Variants in CDHR1 observed in about 807,000 individuals in gnomAD.
CDHR1 encodes the protein cadherin-related family member 1.
A neutral mutation model predicts 72.1 loss-of-function variants in CDHR1; 61 were observed. The ratio of observed to expected loss-of-function variants is 0.85; its 90% confidence interval spans 0.69 to 1.05. The LOEUF is 1.05. CDHR1 is among the 50% of genes least tolerant of loss of function. CDHR1 has a pLI of 0.00. For synonymous variants in CDHR1, 470 were observed against 448.1 expected (o/e 1.05, Z -0.62); for missense variants, 1,186 against 1,115.7 (o/e 1.06, Z -0.90).
chr10:84,211,765 G>A (rs773792926), intron 14 of CDHR1, 50 bp downstream of exon 14: 1 of 1,507,970 alleles, frequency 6.6e-7, no homozygotes. Flanking sequence ...GGGATTGGAA[G>A]GCTGAGGGTG....
At chr10:84,210,938 T>C in intron 12 of CDHR1, 63 bp from the exon 13 acceptor site, 1 of 1,563,906 alleles carries the variant, frequency 6.4e-7, no homozygotes, top group Admixed American at 1.7e-5. Context: ...GGAGATGAGG[T>C]GGGAAGGCTC....
At position 84,195,620 on chromosome 10, in the gene CDHR1, G is replaced by A. The variant is rs549381876; in HGVS notation, c.151+31G>A. 28 of 1,576,036 alleles carry A rather than the reference G, an allele frequency of 1.8e-5. No homozygotes were observed. The Admixed American group carries it at 1.8e-4, about 10-fold the overall frequency. ...TAGCCCTGGCACCTGCTCCCGATAG[G>A]TCTCCCTGAGGGGTGCAGGCAGACT... On this transcript the variant is annotated intron_variant, in intron 2 of 16. Transcript: ENST00000623527.
intron 12 of CDHR1, among the ~76,000 whole-genome samples, chr10:84,210,601 G>T (rs1190363102): frequency 6.6e-6 from 1 of 152,130 alleles, no homozygotes; most frequent in East Asian, 1.9e-4. Flanking sequence ...TTTAAAAAAA[G>T]AATTTAATGC....
intron 8 of CDHR1, 114 bp from the exon 9 acceptor site, chr10:84,204,413 C>T: frequency 3.8e-6 from 3 of 797,056 alleles, no homozygotes; most frequent in East Asian, 5.0e-5. Context: ...CACGTAGAGG[C>T]CTGACCCTTT....
At chr10:84,195,860 C>T (rs537140344) in intron 2 of CDHR1, among the ~76,000 whole-genome samples, 33 of 152,304 alleles carry the variant, frequency 2.2e-4, no homozygotes, top group African/African-American at 7.0e-4. Flanking sequence ...GGCTGTGTGA[C>T]CTTGAACAAA....
At position 84,218,234 on chromosome 10, in the gene CDHR1, G is replaced by A. The variant is rs1288923427; in HGVS notation, c.*3613G>A. 2.7e-5 allele frequency: 27 copies of A among 985,294 alleles called. No individual in the cohort carries two copies. In the South Asian group the frequency reaches 1.3e-3, roughly 46 times the overall value. The allele number at this position is 985,294 out of a possible 1,614,324, so 61.0% of individuals were successfully genotyped here. On this transcript the variant is annotated 3_prime_UTR_variant, in exon 17 of 17. Transcript: ENST00000623527. ...GAAACTCACAAACAACCTAGGGAGG[G>A]GTTCTCTGAAGGGCCTAGTTTCCAG...
At position 84,201,839 on chromosome 10, in the gene CDHR1, C is replaced by G. The variant is rs934208979; in HGVS notation, c.558C>G (p.His186Gln). ...ACTCCCCATTTGCCGTGGACCGCCA[C>G]AGCGGTGTGCTGCGCCTCCAGGCTG... ...NLHSPFAVDRHSGVLRLQAGA... is the reference protein window; with the variant it reads ...NLHSPFAVDRQSGVLRLQAGA... The change falls in exon 7 of 17, where the codon CAC becomes CAG. Residue 186 changes from histidine to glutamine, a missense_variant. His to Gln is a conservative substitution (Grantham distance 24). Coordinates refer to ENST00000623527, the MANE Select transcript of CDHR1 (RefSeq NM_033100.4). 1 of 1,610,390 alleles carries G rather than the reference C, an allele frequency of 6.2e-7. No individual in the cohort carries two copies. The highest frequency in any genetic ancestry group is 8.5e-7 in the Non-Finnish European group (1 of 1,180,010).
chr10:84,199,901 G>A (rs950773158), intron 5 of CDHR1, among the ~76,000 whole-genome samples: 2 of 152,136 alleles, frequency 1.3e-5, no homozygotes, highest in South Asian at 2.1e-4. Context: ...GGCTGGGCAC[G>A]GTGGCTCACA....
chr10:84,200,759 C>T (rs982611122), intron 6 of CDHR1, 72 bp downstream of exon 6: 30 of 1,045,570 alleles, frequency 2.9e-5, no homozygotes, highest in African/African-American at 1.1e-4. Context: ...CTACCTCCAT[C>T]GCCCCAGGCC....
At chr10:84,195,315 CA>C (rs1193578419) in intron 1 of CDHR1, among the ~76,000 whole-genome samples, 178 bp from the exon 2 acceptor site, 3 of 152,150 alleles carry the variant, frequency 2.0e-5, no homozygotes, top group South Asian at 2.1e-4. Flanking sequence ...GAGTGGGGGT[CA>C]GGGGCATCCT....
In CDHR1 at chr10:84,211,855, AAG is replaced by A. The variant is rs914966805; in HGVS notation, c.1553+141_1553+142del. On this transcript the variant is annotated intron_variant, in intron 14 of 16. Coordinates refer to ENST00000623527, the MANE Select transcript of CDHR1 (RefSeq NM_033100.4). ...AAGAGAAGTGGAGAGAGGCAGTGGAAAGCTGAAGCAGAGGGTGAGGAAGTTCA... is the reference window on the plus strand; with the variant it reads ...AAGAGAAGTGGAGAGAGGCAGTGGAACTGAAGCAGAGGGTGAGGAAGTTCA... 3.7e-6 allele frequency: 3 copies of A among 811,946 alleles called. No individual in the cohort carries two copies. The African/African-American group carries it at 5.1e-5, about 14-fold the overall frequency. The allele number at this position is 811,946 out of a possible 1,614,324, so 50.3% of individuals were successfully genotyped here. A position where few individuals can be genotyped will look rare whatever the true frequency, so the allele number is the denominator to read the frequency against.
In CDHR1 at chr10:84,215,690, A is replaced by G. The variant is rs777404307; in HGVS notation, c.*1069A>G. The G allele has an allele frequency of 6.1e-6, 6 of 985,428 alleles. No individual in the cohort carries two copies. Among genetic ancestry groups the G allele is most frequent in the Non-Finnish European group, 7.2e-6 (6 of 829,918 alleles). The allele number at this position is 985,428 out of a possible 1,614,324, so 61.0% of individuals were successfully genotyped here. Reference sequence around the variant, plus strand: ...CAAGTGCAAAGCGGCATGAATGCAAAGTATTTTTCTGCAGCCCAGTTCTGT... The same window carrying G: ...CAAGTGCAAAGCGGCATGAATGCAAGGTATTTTTCTGCAGCCCAGTTCTGT... On this transcript the variant is annotated 3_prime_UTR_variant, in exon 17 of 17. Transcript: ENST00000623527.
rs1842443357 is a variant in CDHR1, at chr10:84,217,462, A to ATTCT, written c.*2841_*2842insTTCT. The stretch of plus-strand genomic sequence containing the variant: ...TTACAGTTTGACAGCCCTAGGTCTG[A>ATTCT]ATTCTGGTTCTGCCATTAATTGTGA... On this transcript the variant is annotated 3_prime_UTR_variant, in exon 17 of 17. Coordinates refer to ENST00000623527, the MANE Select transcript of CDHR1 (RefSeq NM_033100.4). 1 of 983,522 alleles carries ATTCT rather than the reference A, an allele frequency of 1.0e-6. No individual in the cohort carries two copies. The highest frequency in any genetic ancestry group is 1.2e-6 in the Non-Finnish European group (1 of 828,298). The allele number at this position is 983,522 out of a possible 1,614,324, so 60.9% of individuals were successfully genotyped here. A position where few individuals can be genotyped will look rare whatever the true frequency, so the allele number is the denominator to read the frequency against.
At chr10:84,218,965 T>A (rs995037720), downstream of CDHR1, 1 of 564,860 alleles carries the variant, frequency 1.8e-6, no homozygotes, top group Non-Finnish European at 2.9e-6. Context: ...GAACTTTGTA[T>A]GTTAAAAAAA....
chr10:84,218,068 T>C lies in CDHR1; in HGVS notation c.*3447T>C. 1 of 985,458 alleles carries C rather than the reference T, an allele frequency of 1.0e-6. No individual in the cohort carries two copies. The highest frequency in any genetic ancestry group is 1.7e-5 in the African/African-American group (1 of 57,374). The allele number at this position is 985,458 out of a possible 1,614,324, so 61.0% of individuals were successfully genotyped here. A position where few individuals can be genotyped will look rare whatever the true frequency, so the allele number is the denominator to read the frequency against. On this transcript the variant is annotated 3_prime_UTR_variant, in exon 17 of 17. Transcript: ENST00000623527. ...AAGGCCAGTCCACCTGCCAGGGGTGTTGGCATCTGTTGACAGGCAGTGGCA... is the reference window on the plus strand; with the variant it reads ...AAGGCCAGTCCACCTGCCAGGGGTGCTGGCATCTGTTGACAGGCAGTGGCA...
chr10:84,202,662 C>A (rs1202334749), intron 7 of CDHR1, among the ~76,000 whole-genome samples: 1 of 152,206 alleles, frequency 6.6e-6, no homozygotes, highest in East Asian at 1.9e-4. Flanking sequence ...CAGAGTAGAT[C>A]CTCAGGAGGT....
In CDHR1 at chr10:84,214,252, G is replaced by C; in HGVS notation, c.2211G>C (p.Arg737=). Residue 737 remains arginine (R), a synonymous_variant, in exon 17 of 17, where the codon CGG becomes CGC. Transcript: ENST00000623527. ...NKKSNKVLPM[R]RVLRKRPSPA... is the part of the protein sequence containing the mutation. ...AGTCTAACAAGGTCCTGCCAATGCG[G>C]CGGGTGCTCCGCAAGCGGCCCAGCC... 1 of 1,613,552 alleles carries C rather than the reference G, an allele frequency of 6.2e-7. No homozygotes were observed. The highest frequency in any genetic ancestry group is 8.5e-7 in the Non-Finnish European group (1 of 1,179,988).
chr10:84,201,742 G>C (rs939262359), intron 6 of CDHR1, 65 bp from the exon 7 acceptor site: 10 of 1,334,816 alleles, frequency 7.5e-6, no homozygotes, highest in Non-Finnish European at 1.1e-5. Flanking sequence ...TCAGAAAGCA[G>C]AGCGGGCATT....
At chr10:84,198,596 A>T (rs1369549957) in intron 4 of CDHR1, among the ~76,000 whole-genome samples, 4 of 152,164 alleles carry the variant, frequency 2.6e-5, no homozygotes. Context: ...CTCCTCTAAG[A>T]AGCCCACCTG....
Sources: allele counts gnomAD v4.1 joint callset (sites outside exome capture counted in the v4.1 genomes callset), GRCh38; gene constraint gnomAD v4.1.1; transcripts MANE v1.5; gene names NCBI Gene and HGNC (gene_info 2026-07-23, HGNC 2026-07-21).